The following BARX2 variants were observed in gnomAD, a reference collection of about 807,000 sequenced individuals.
BARX2 encodes the protein homeobox protein BarH-like 2.
In BARX2, 11 loss-of-function variants were observed where a neutral mutation model predicts 25.5. The ratio of observed to expected loss-of-function variants is 0.43; its 90% confidence interval spans 0.27 to 0.71. The LOEUF is 0.71. BARX2 is among the 30% of genes least tolerant of loss of function. BARX2 has a pLI of 0.19. For synonymous variants in BARX2, 137 were observed against 149.5 expected (o/e 0.92, Z 0.61); for missense variants, 360 against 359.9 (o/e 1.00, Z 0.00).
chr11:129,395,736 T>G lies in BARX2; in HGVS notation c.187+19514T>G, dbSNP rs1335524028. On this transcript the variant is annotated intron_variant, in intron 1 of 3. Transcript: ENST00000281437. The stretch of plus-strand genomic sequence containing the variant: ...CTGTCTTCTCCTTAAAGAGAATCTC[T>G]GCACGTGTAAAATCTGTTTCAGGAA... 2.0e-5 allele frequency among the ~76,000 whole-genome samples: 3 copies of G among 152,140 alleles called. No homozygotes were observed. The South Asian group carries it at 6.2e-4, about 32-fold the overall frequency.
chr11:129,451,015 A>T, intron 3 of BARX2, 121 bp from the exon 4 acceptor site: 1 of 1,306,168 alleles, frequency 7.7e-7, no homozygotes, highest in Non-Finnish European at 1.1e-6. Context: ...TATTTTGCCA[A>T]ATCCTGCAAT....
chr11:129,433,822 C>A (rs1229999358), intron 1 of BARX2, among the ~76,000 whole-genome samples: 1 of 152,212 alleles, frequency 6.6e-6, no homozygotes, highest in African/African-American at 2.4e-5. Context: ...TTATCACTAC[C>A]TGGCACTATT....
chr11:129,418,755 A>G (rs961461531), intron 1 of BARX2, among the ~76,000 whole-genome samples: 4 of 152,186 alleles, frequency 2.6e-5, no homozygotes, highest in African/African-American at 9.7e-5. Flanking sequence ...AGTATAACGA[A>G]CGCCTGGCAT....
intron 1 of BARX2, among the ~76,000 whole-genome samples, chr11:129,426,144 C>T (rs1272711265): frequency 6.6e-6 from 1 of 151,928 alleles, no homozygotes; most frequent in East Asian, 1.9e-4. Context: ...TTCATTCACT[C>T]TTGCTGGACT....
At chr11:129,378,531 A>G (rs1218548517) in intron 1 of BARX2, among the ~76,000 whole-genome samples, 1 of 150,548 alleles carries the variant, frequency 6.6e-6, no homozygotes, top group East Asian at 1.9e-4. Context: ...ATCCCAAAGG[A>G]CACTGTAATT....
Position 129,436,615 on chromosome 11 carries a change from C to A in BARX2, c.188-136C>A. On this transcript the variant is annotated intron_variant, in intron 1 of 3. Coordinates refer to ENST00000281437, the MANE Select transcript of BARX2 (RefSeq NM_003658.5). The surrounding 1 kb of genome is among the most constrained non-coding windows in gnomAD (Gnocchi z 4.5). ...GTAGGTCTTGAGTTACCTCTCCTTCCCCTTCCTCCATCTGTACCTCCTTAA... is the reference window on the plus strand; with the variant it reads ...GTAGGTCTTGAGTTACCTCTCCTTCACCTTCCTCCATCTGTACCTCCTTAA... 2 of 961,146 alleles carry A rather than the reference C, an allele frequency of 2.1e-6. No homozygotes were observed. Among genetic ancestry groups the A allele is most frequent in the South Asian group, 1.9e-5 (1 of 53,100 alleles). 59.5% of individuals were successfully genotyped at this position (961,146 alleles called of 1,614,324 possible).
chr11:129,414,014 C>T (rs944535808), intron 1 of BARX2, among the ~76,000 whole-genome samples: 6 of 151,096 alleles, frequency 4.0e-5, no homozygotes, highest in Non-Finnish European at 7.4e-5. Flanking sequence ...TGCAGTGAGC[C>T]GAGATCGCGC....
intron 2 of BARX2, among the ~76,000 whole-genome samples, chr11:129,442,385 C>A (rs1862271667): frequency 6.6e-6 from 1 of 152,082 alleles, no homozygotes; most frequent in Non-Finnish European, 1.5e-5. Flanking sequence ...GCTGTGGGAG[C>A]CAGGAGAATC....
At chr11:129,418,478 T>C (rs1005549047) in intron 1 of BARX2, among the ~76,000 whole-genome samples, 2 of 152,188 alleles carry the variant, frequency 1.3e-5, no homozygotes, top group African/African-American at 4.8e-5. Flanking sequence ...GTGCCTTCTT[T>C]CTCCCAGTCA....
At position 129,424,481 on chromosome 11, in the gene BARX2, C is replaced by T. The variant is rs1114384; in HGVS notation, c.188-12270C>T. ...TTTCCAGATACTACTGGATTTTCCT[C>T]GACAATGCCTCTGGAATCCATCCCT... is the stretch of plus-strand genomic sequence containing the variant. On this transcript the variant is annotated intron_variant, in intron 1 of 3. Transcript: ENST00000281437. Among the ~76,000 whole-genome samples the T allele has an allele frequency of 4.2e-3, 635 of 152,258 alleles. 10 individuals are homozygous for T. The highest frequency in any genetic ancestry group is 4.1e-3 in the Non-Finnish European group (279 of 68,028).
At chr11:129,405,804 C>T (rs1240309600) in intron 1 of BARX2, among the ~76,000 whole-genome samples, 1 of 152,250 alleles carries the variant, frequency 6.6e-6, no homozygotes, top group Admixed American at 6.5e-5. Flanking sequence ...GATGTCCCCT[C>T]TGCCTAGAAT....
In BARX2 at chr11:129,401,811, C is replaced by T. The variant is rs967419671; in HGVS notation, c.187+25589C>T. ...TCTCTGCGAAAAATACAAAAATTAG[C>T]CAGGTGTGGTGGCAGACACCTATAA... On this transcript the variant is annotated intron_variant, in intron 1 of 3. Coordinates refer to ENST00000281437, the MANE Select transcript of BARX2 (RefSeq NM_003658.5). 4.6e-5 allele frequency among the ~76,000 whole-genome samples: 7 copies of T among 152,044 alleles called. No individual in the cohort carries two copies. The East Asian group carries it at 1.2e-3, about 25-fold the overall frequency.
intron 3 of BARX2, among the ~76,000 whole-genome samples, chr11:129,448,513 A>G (rs906106118): frequency 2.6e-5 from 4 of 152,248 alleles, no homozygotes; most frequent in Non-Finnish European, 5.9e-5. Context: ...AATAAGCACT[A>G]TGAAAAGATG....
Position 129,437,043 on chromosome 11 carries a change from C to G in BARX2, c.480C>G (p.Thr160=), listed in dbSNP as rs142948782. The G allele has an allele frequency of 7.0e-6, 11 of 1,569,386 alleles. No individual in the cohort carries two copies. The highest frequency in any genetic ancestry group is 8.7e-6 in the Non-Finnish European group (10 of 1,153,186). ...TCCAGAAGCAGAAGTATTTGTCAAC[C>G]CCAGACAGGTGAGGACGCAGGGAAG... ...KKFQKQKYLS[T]PDRLDLAQSL... Residue 160 remains threonine (T), a synonymous_variant, in exon 2 of 4, where the codon ACC becomes ACG. Coordinates refer to ENST00000281437, the MANE Select transcript of BARX2 (RefSeq NM_003658.5).
intron 1 of BARX2, among the ~76,000 whole-genome samples, chr11:129,386,201 G>C (rs1471159443): frequency 6.6e-6 from 1 of 152,212 alleles, no homozygotes; most frequent in African/African-American, 2.4e-5. Context: ...GTGCAAGAGA[G>C]AGTTGTCAGG....
At chr11:129,379,663 T>A (rs2135381970) in intron 1 of BARX2, among the ~76,000 whole-genome samples, 1 of 152,272 alleles carries the variant, frequency 6.6e-6, no homozygotes, top group African/African-American at 2.4e-5. Flanking sequence ...ATCAGGCAGT[T>A]TCTAAATTTG....
Position 129,431,714 on chromosome 11 carries a change from C to T in BARX2, c.188-5037C>T, listed in dbSNP as rs571705336. Among the ~76,000 whole-genome samples, 6 of 152,052 alleles carry T rather than the reference C, an allele frequency of 3.9e-5. No individual in the cohort carries two copies. In the South Asian group the frequency reaches 8.3e-4, roughly 21 times the overall value. On this transcript the variant is annotated intron_variant, in intron 1 of 3. Coordinates refer to ENST00000281437, the MANE Select transcript of BARX2 (RefSeq NM_003658.5). ...CAGGTGTGAGATTTGTCAGGTCTCA[C>T]AGTCTGCAGCTTTTTTCATTTTCTT...
intron 1 of BARX2, among the ~76,000 whole-genome samples, chr11:129,394,475 G>A (rs920310381): frequency 1.3e-5 from 2 of 152,104 alleles, no homozygotes; most frequent in Non-Finnish European, 2.9e-5. Flanking sequence ...ATTTTAGGAC[G>A]CATGCTAACT....
At chr11:129,429,991 C>G (rs1460535663) in intron 1 of BARX2, among the ~76,000 whole-genome samples, 1 of 152,146 alleles carries the variant, frequency 6.6e-6, no homozygotes, top group Non-Finnish European at 1.5e-5. Flanking sequence ...GGTTTTCTAA[C>G]TTTCTCTTCC....
Sources: gnomAD v4.1 joint callset for allele counts (sites outside exome capture counted in the v4.1 genomes callset) on GRCh38, gnomAD v4.1.1 for gene constraint, Gnocchi (gnomAD v3.1) non-coding constraint, MANE v1.5 for transcripts, NCBI Gene and HGNC (gene_info 2026-07-23, HGNC 2026-07-21) for gene names.